The following PDE10A variants were observed in gnomAD, a reference collection of about 807,000 sequenced individuals.
PDE10A encodes cAMP and cAMP-inhibited cGMP 3',5'-cyclic phosphodiesterase 10A.
In PDE10A, 39 loss-of-function variants were observed where a neutral mutation model predicts 97.7. The ratio of observed to expected loss-of-function variants is 0.40; its 90% CI spans 0.31 to 0.52. PDE10A has a LOEUF of 0.52. Ranked by LOEUF, PDE10A falls within the 20% of genes least tolerant of loss-of-function variation. PDE10A has a pLI of 0.56. For synonymous variants in PDE10A, 371 were observed against 376.8 expected (o/e 0.98, Z 0.18); for missense variants, 731 against 1,047.8 (o/e 0.70, Z 4.17).
chr6:165,828,735 C>T (rs999791305), intron 1 of PDE10A, among the ~76,000 whole-genome samples: 1 of 152,134 alleles, frequency 6.6e-6, no homozygotes, highest in Non-Finnish European at 1.5e-5. Flanking sequence ...TCACCAGCAT[C>T]CCAAGGGAAG....
upstream of PDE10A, chr6:165,987,976 CGTGT>C (rs149079607): frequency 5.7e-4 from 209 of 364,572 alleles, no homozygotes; most frequent in Admixed American, 1.4e-3. Flanking sequence ...TGTGTGCGTG[CGTGT>C]GTGTGTGTGT....
chr6:165,892,146 A>G (rs1019205374), intron 1 of PDE10A, among the ~76,000 whole-genome samples: 6 of 152,204 alleles, frequency 3.9e-5, no homozygotes, highest in Non-Finnish European at 7.3e-5. Flanking sequence ...AGAAATTTTC[A>G]GTTCCAAAGA....
intron 2 of PDE10A, among the ~76,000 whole-genome samples, chr6:165,539,497 G>C (rs9457100): frequency 0.048 from 7,302 of 152,258 alleles, 304 homozygotes; most frequent in East Asian, 0.19. Context: ...TAGAAGAAAG[G>C]AATAAATTAC....
At chr6:165,582,740 A>G (rs1547682) in intron 1 of PDE10A, among the ~76,000 whole-genome samples, 122,349 of 151,668 alleles carry the variant, frequency 0.81, 51,695 homozygotes, top group Non-Finnish European at 0.94. Context: ...TAATCAAGAC[A>G]AGTATAGATG....
intron 1 of PDE10A, among the ~76,000 whole-genome samples, chr6:165,977,624 A>C (rs1784889216): frequency 6.6e-6 from 1 of 152,230 alleles, no homozygotes. Flanking sequence ...TTTTTTATGA[A>C]TATAAGGTTT....
At chr6:165,927,440 T>G (rs891283800) in intron 1 of PDE10A, among the ~76,000 whole-genome samples, 1 of 151,872 alleles carries the variant, frequency 6.6e-6, no homozygotes, top group Non-Finnish European at 1.5e-5. Context: ...CAGTAAGATT[T>G]TTAAAAGGCA....
intron 1 of PDE10A, among the ~76,000 whole-genome samples, chr6:165,851,281 A>T (rs1314287775): frequency 6.6e-6 from 1 of 152,228 alleles, no homozygotes; most frequent in Non-Finnish European, 1.5e-5. Flanking sequence ...GAACTGCTTC[A>T]TATGTATTGA....
At chr6:165,751,975 T>TA (rs956000600) in intron 1 of PDE10A, among the ~76,000 whole-genome samples, 55 of 149,168 alleles carry the variant, frequency 3.7e-4, no homozygotes, top group South Asian at 8.6e-4. Flanking sequence ...CCATGTCTAC[T>TA]AAAAAAAAAG....
chr6:165,590,808 A>G (rs1011324757), intron 1 of PDE10A, among the ~76,000 whole-genome samples: 36 of 152,194 alleles, frequency 2.4e-4, no homozygotes, highest in African/African-American at 5.8e-4. Flanking sequence ...GGAGAATGGC[A>G]TGAACCCGGG....
intron 1 of PDE10A, among the ~76,000 whole-genome samples, chr6:165,611,359 A>C (rs371557407): frequency 6.6e-6 from 1 of 152,286 alleles, no homozygotes; most frequent in East Asian, 1.9e-4. Context: ...CTTACCAACC[A>C]CAGTGAAATG....
At chr6:165,765,415 C>T (rs1204660905) in intron 1 of PDE10A, among the ~76,000 whole-genome samples, 1 of 152,254 alleles carries the variant, frequency 6.6e-6, no homozygotes. Context: ...GGGCTGCAGT[C>T]CCGAGACCTG....
At chr6:165,556,414 C>G (rs189811924) in intron 1 of PDE10A, among the ~76,000 whole-genome samples, 4 of 152,360 alleles carry the variant, frequency 2.6e-5, no homozygotes, top group African/African-American at 7.2e-5. Flanking sequence ...GCCTTGAAGA[C>G]AGCTGTGATG....
intron 3 of PDE10A, among the ~76,000 whole-genome samples, chr6:165,475,915 C>G (rs753526282): frequency 2.0e-5 from 3 of 152,152 alleles, no homozygotes; most frequent in Non-Finnish European, 4.4e-5. Context: ...GATCAACTCC[C>G]CCTGTGAGAA....
At chr6:165,780,537 G>A (rs1439158485) in intron 1 of PDE10A, 2 of 152,228 alleles carry the variant, frequency 1.3e-5, no homozygotes, top group African/African-American at 4.8e-5. Context: ...TTCTCAGGAT[G>A]ATTAAGAGCA....
chr6:165,972,421 C>T (rs896052600), intron 1 of PDE10A, among the ~76,000 whole-genome samples: 1 of 152,038 alleles, frequency 6.6e-6, no homozygotes, highest in Non-Finnish European at 1.5e-5. Context: ...GGTGGTATGA[C>T]CTATGGCTGA....
At chr6:165,501,588 G>T (rs1029948922) in intron 2 of PDE10A, among the ~76,000 whole-genome samples, 16 of 148,876 alleles carry the variant, frequency 1.1e-4, no homozygotes, top group African/African-American at 3.9e-4. Context: ...AAAAAAAAAA[G>T]TCCTGAGGAA....
rs1329293242 is a variant in PDE10A, at chr6:165,331,258, TTCTC to T, written c.*1763_*1766del. ...TGTATATATCTAGCCACAGTGGTAC[TTCTC>T]TCTCTTTTGTTATTACATTTTACCT... On this transcript the variant is annotated 3_prime_UTR_variant, in exon 22 of 22. Coordinates refer to ENST00000539869, the MANE Select transcript of PDE10A (RefSeq NM_001385079.1). 2.0e-5 allele frequency: 3 copies of T among 152,190 alleles called. No individual in the cohort carries two copies. The highest frequency in any genetic ancestry group is 6.5e-5 in the Admixed American group (1 of 15,274). The allele number at this position is 152,190 out of a possible 1,614,324, so 9.4% of individuals were successfully genotyped here.
chr6:165,406,232 G>GTGTGTT (rs1267130507), intron 13 of PDE10A, among the ~76,000 whole-genome samples: 8 of 149,438 alleles, frequency 5.4e-5, no homozygotes, highest in South Asian at 2.1e-4. Context: ...AAAAGGATGT[G>GTGTGTT]TGTGTGTGTG....
chr6:165,798,776 T>A (rs2128465055), intron 1 of PDE10A, among the ~76,000 whole-genome samples: 1 of 152,302 alleles, frequency 6.6e-6, no homozygotes, highest in African/African-American at 2.4e-5. Context: ...TGCAGTGGCA[T>A]GATCTCGGCT....
Sources: gnomAD v4.1 joint callset for allele counts (sites outside exome capture counted in the v4.1 genomes callset) on GRCh38, gnomAD v4.1.1 for gene constraint, MANE v1.5 for transcripts, NCBI Gene and HGNC (gene_info 2026-07-23, HGNC 2026-07-21) for gene names.